Variants in PDGFC observed in about 807,000 individuals in gnomAD.
PDGFC encodes platelet derived growth factor C, also known as platelet-derived growth factor C.
In PDGFC, 12 loss-of-function variants were observed where a neutral mutation model predicts 35.5. The observed-to-expected ratio is 0.34, with a 90% CI of 0.22 to 0.55. The LOEUF is 0.55. Among genes scored for constraint, PDGFC ranks in the 20% least tolerant of loss-of-function variants. The pLI, the probability that PDGFC is intolerant of heterozygous loss-of-function variation, is 0.91. For synonymous variants in PDGFC, 159 were observed against 148.8 expected (o/e 1.07, Z -0.50); for missense variants, 322 against 412.4 (o/e 0.78, Z 1.90).
chr4:156,903,209 A>G (rs1442103160), intron 1 of PDGFC, among the ~76,000 whole-genome samples: 1 of 152,070 alleles, frequency 6.6e-6, no homozygotes, highest in African/African-American at 2.4e-5. Context: ...GTGACATGAA[A>G]TATTAAACTT....
chr4:156,787,014 G>A (rs947024587), intron 3 of PDGFC, among the ~76,000 whole-genome samples: 2 of 152,170 alleles, frequency 1.3e-5, no homozygotes, highest in Admixed American at 1.3e-4. Flanking sequence ...TTCAAGAGAA[G>A]ATTCTAGGTT....
In PDGFC at chr4:156,888,359, C is replaced by A. The variant is rs1399925530; in HGVS notation, c.119-37943G>T. ...AGCCAACTGGCCACTATACAATGTT[C>A]AATAATCAACTTTGTGCACATATTT... is the stretch of plus-strand genomic sequence containing the variant. On this transcript the variant is annotated intron_variant, in intron 1 of 5. Coordinates refer to ENST00000502773, the MANE Select transcript of PDGFC (RefSeq NM_016205.3). Among the ~76,000 whole-genome samples, 4 of 152,118 alleles carry A rather than the reference C, an allele frequency of 2.6e-5. No homozygotes were observed. The East Asian group carries it at 7.7e-4, about 29-fold the overall frequency.
At chr4:156,834,933 A>AC (rs918875131) in intron 2 of PDGFC, among the ~76,000 whole-genome samples, 4 of 152,006 alleles carry the variant, frequency 2.6e-5, no homozygotes, top group African/African-American at 9.7e-5. Flanking sequence ...CAAAAAAAAA[A>AC]CACAACTGAA....
Position 156,837,950 on chromosome 4 carries a change from C to T in PDGFC, c.314+12271G>A, listed in dbSNP as rs189282229. Among the ~76,000 whole-genome samples, 902 of 151,904 alleles carry T rather than the reference C, an allele frequency of 5.9e-3. 5 individuals carry two copies. Among genetic ancestry groups the T allele is most frequent in the Non-Finnish European group, 7.4e-3 (506 of 67,980 alleles). ...TCAGACTTGGTCAGATCCCCACCCTCTATTTTAAGCCCTCTTGGGAATGAT... is the reference window on the plus strand; with the variant it reads ...TCAGACTTGGTCAGATCCCCACCCTTTATTTTAAGCCCTCTTGGGAATGAT... On this transcript the variant is annotated intron_variant, in intron 2 of 5. Transcript: ENST00000502773.
At chr4:156,920,838 T>C (rs1032292649) in intron 1 of PDGFC, among the ~76,000 whole-genome samples, 6 of 152,220 alleles carry the variant, frequency 3.9e-5, no homozygotes, top group African/African-American at 1.4e-4. Flanking sequence ...GATGGTTCTT[T>C]TGTTTGGGAA....
intron 3 of PDGFC, among the ~76,000 whole-genome samples, chr4:156,789,938 C>T (rs1731244678): frequency 7.6e-6 from 1 of 131,042 alleles, no homozygotes; most frequent in African/African-American, 3.0e-5. Flanking sequence ...GATCATGCCA[C>T]GGTACTCCAG....
intron 1 of PDGFC, among the ~76,000 whole-genome samples, chr4:156,926,012 C>T (rs1421428026): frequency 7.4e-6 from 1 of 135,452 alleles, no homozygotes; most frequent in Non-Finnish European, 1.5e-5. Context: ...ATGATCACAC[C>T]ACTGCACTCC....
chr4:156,886,184 G>A (rs917689657), intron 1 of PDGFC, among the ~76,000 whole-genome samples: 1 of 152,198 alleles, frequency 6.6e-6, no homozygotes, highest in African/African-American at 2.4e-5. Flanking sequence ...AAGATAAAAT[G>A]TGAAAGTTGT....
intron 2 of PDGFC, among the ~76,000 whole-genome samples, chr4:156,847,893 G>A (rs915066474): frequency 3.3e-5 from 5 of 151,608 alleles, no homozygotes; most frequent in Admixed American, 6.6e-5. Context: ...CAAAGTAACA[G>A]AAGAAACAGA....
At chr4:156,903,091 G>GAA (rs1730828797) in intron 1 of PDGFC, among the ~76,000 whole-genome samples, 3 of 85,204 alleles carry the variant, frequency 3.5e-5, no homozygotes, top group Non-Finnish European at 6.9e-5. Flanking sequence ...GACAAAGAGA[G>GAA]AGAGAGAGAG....
chr4:156,903,285 C>T (rs1730837997), intron 1 of PDGFC, among the ~76,000 whole-genome samples: 1 of 151,864 alleles, frequency 6.6e-6, no homozygotes, highest in Non-Finnish European at 1.5e-5. Context: ...ATAACATTTT[C>T]TAATAAAATG....
chr4:156,781,402 C>A (rs962151148), intron 3 of PDGFC, among the ~76,000 whole-genome samples: 1 of 152,106 alleles, frequency 6.6e-6, no homozygotes, highest in African/African-American at 2.4e-5. Context: ...AACAAATGGT[C>A]AATAGAGTAT....
intron 3 of PDGFC, among the ~76,000 whole-genome samples, chr4:156,788,592 C>G (rs189811268): frequency 1.3e-5 from 2 of 152,226 alleles, no homozygotes; most frequent in Admixed American, 1.3e-4. Context: ...CATCTTCTAA[C>G]CAATTAGCCT....
At chr4:156,963,590 G>C (rs984311666) in intron 1 of PDGFC, among the ~76,000 whole-genome samples, 1 of 152,148 alleles carries the variant, frequency 6.6e-6, no homozygotes, top group Non-Finnish European at 1.5e-5. Context: ...AGTGAAGCCA[G>C]CCTGGCAAAG....
chr4:156,767,185 G>A (rs1302927581), intron 5 of PDGFC, among the ~76,000 whole-genome samples: 2 of 151,628 alleles, frequency 1.3e-5, no homozygotes, highest in Admixed American at 6.6e-5. Context: ...AGGTTTCCAG[G>A]GTTCTAAAAA....
chr4:156,766,955 A>G (rs997360536), intron 5 of PDGFC, among the ~76,000 whole-genome samples: 2 of 152,128 alleles, frequency 1.3e-5, no homozygotes, highest in African/African-American at 2.4e-5. Flanking sequence ...CTGTATTCTT[A>G]TTTAATGGAA....
At chr4:156,869,827 A>T (rs1416774006) in intron 1 of PDGFC, among the ~76,000 whole-genome samples, 1 of 152,268 alleles carries the variant, frequency 6.6e-6, no homozygotes, top group Admixed American at 6.5e-5. Context: ...ATTTGACTTT[A>T]TTCCTTAAGC....
At chr4:156,789,971 C>T (rs1264804803) in intron 3 of PDGFC, among the ~76,000 whole-genome samples, 1 of 95,522 alleles carries the variant, frequency 1.0e-5, no homozygotes, top group African/African-American at 4.9e-5. Flanking sequence ...AGTGAGTCTC[C>T]ATCTCAAAAA....
At chr4:156,814,060 T>G (rs569320368) in intron 2 of PDGFC, among the ~76,000 whole-genome samples, 1 of 152,036 alleles carries the variant, frequency 6.6e-6, no homozygotes, top group African/African-American at 2.4e-5. Flanking sequence ...TGGGACTAAA[T>G]GAAAAATGCT....
Sources: allele counts gnomAD v4.1 joint callset (sites outside exome capture counted in the v4.1 genomes callset), GRCh38; gene constraint gnomAD v4.1.1; transcripts MANE v1.5; gene names NCBI Gene and HGNC (gene_info 2026-07-23, HGNC 2026-07-21).